Variants in BTBD10 observed in about 807,000 individuals in gnomAD.
BTBD10 encodes BTB/POZ domain-containing protein 10.
A neutral mutation model predicts 53.2 loss-of-function variants in BTBD10; 21 were observed. The ratio of observed to expected loss-of-function variants is 0.39; its 90% CI spans 0.28 to 0.57. BTBD10 has a LOEUF of 0.57. Among genes scored for constraint, BTBD10 ranks in the 20% least tolerant of loss-of-function variants. BTBD10 has a pLI of 0.53. For synonymous variants in BTBD10, 149 were observed against 192.7 expected (o/e 0.77, Z 1.88); for missense variants, 360 against 594.7 (o/e 0.61, Z 4.10).
At chr11:13,411,828 T>C (rs549277979) in intron 6 of BTBD10, among the ~76,000 whole-genome samples, 3 of 151,876 alleles carry the variant, frequency 2.0e-5, no homozygotes, top group African/African-American at 4.8e-5. Flanking sequence ...TGGTTTCAAC[T>C]AAAACTTTTT....
At position 13,419,734 on chromosome 11, in the gene BTBD10, C is replaced by A. The variant is rs1950203640; in HGVS notation, c.310G>T (p.Asp104Tyr). The A allele has an allele frequency of 1.3e-6, 2 of 1,577,334 alleles. No homozygotes were observed. The highest frequency in any genetic ancestry group is 1.9e-5 in the Admixed American group (1 of 51,422). The change falls in exon 4 of 9, where the codon GAT becomes TAT. Residue 104 changes from aspartate (D) to tyrosine (Y), a missense_variant. Physicochemically the swap from Asp to Tyr is radical, Grantham distance 160 (BLOSUM62 -3). Around this residue, in one of 6 missense-constraint regions of BTBD10, gnomAD observed 109 missense variants for 118.6 expected, o/e 0.92. Transcript: ENST00000278174. ...TRQHHVEREKDHSSSRPSSPR... is the reference protein window; with the variant it reads ...TRQHHVEREKYHSSSRPSSPR... Reference sequence around the variant, plus strand: ...CTGCTTGGACGAGAGGAACTGTGATCTTTTTCTCGTTCTGAAATAAAGATG... The same window carrying A: ...CTGCTTGGACGAGAGGAACTGTGATATTTTTCTCGTTCTGAAATAAAGATG...
At chr11:13,405,360 T>C in intron 7 of BTBD10, 1 of 216,332 alleles carries the variant, frequency 4.6e-6, no homozygotes, top group Admixed American at 5.8e-5. Context: ...TCTATCAAGT[T>C]CCAGAGAGTC....
Position 13,429,873 on chromosome 11 carries a change from G to A in BTBD10, c.102-8035C>T, listed in dbSNP as rs1753610676. ...AATCCCAGCACCTTGCGAGGTTGAG[G>A]TGGGAGGATGGCTTGAGCCCAGGAG... On this transcript the variant is annotated intron_variant, in intron 2 of 8. Transcript: ENST00000278174. Among the ~76,000 whole-genome samples the A allele has an allele frequency of 2.0e-5, 3 of 152,198 alleles. 1 individual carries two copies. In the South Asian group the frequency reaches 6.2e-4, roughly 32 times the overall value.
chr11:13,395,603 A>T (rs1023713325), intron 8 of BTBD10, among the ~76,000 whole-genome samples: 1 of 152,192 alleles, frequency 6.6e-6, no homozygotes, highest in Non-Finnish European at 1.5e-5. Context: ...TTAGACATGA[A>T]GTCCTTGCCC....
chr11:13,421,772 C>T lies in BTBD10; in HGVS notation c.168G>A (p.Gly56=), dbSNP rs1950246269. Residue 56 remains glycine, a synonymous_variant, in exon 3 of 9, where the codon GGG becomes GGA. Transcript: ENST00000278174. ...HTKMSLHGAS[G]GHERSRDRRR... ...GTCTATCTCTTGATCTCTCATGTCC[C>T]CCACTAGCACCATGTAGACTCATTT... 4.3e-6 allele frequency: 7 copies of T among 1,613,944 alleles called. No homozygotes were observed. Among genetic ancestry groups the T allele is most frequent in the African/African-American group, 1.3e-5 (1 of 74,908 alleles).
At position 13,395,747 on chromosome 11, in the gene BTBD10, T is replaced by C. The variant is rs1343551563; in HGVS notation, c.1118-6606A>G. Among the ~76,000 whole-genome samples, 4 of 152,228 alleles carry C rather than the reference T, an allele frequency of 2.6e-5. No individual in the cohort carries two copies. In the East Asian group the frequency reaches 7.7e-4, roughly 29 times the overall value. On this transcript the variant is annotated intron_variant, in intron 8 of 8. Transcript: ENST00000278174. ...GTAAGGAAGGGATCCAGTTTCAGCTTTCTACATATGGCTAGCCAGTTTTCC... is the reference window on the plus strand; with the variant it reads ...GTAAGGAAGGGATCCAGTTTCAGCTCTCTACATATGGCTAGCCAGTTTTCC...
intron 1 of BTBD10, among the ~76,000 whole-genome samples, chr11:13,459,982 T>A (rs942027519): frequency 6.6e-6 from 1 of 152,150 alleles, no homozygotes; most frequent in Non-Finnish European, 1.5e-5. Flanking sequence ...ACAAGCACAA[T>A]CTTCTCAAAT....
At position 13,419,755 on chromosome 11, in the gene BTBD10, A is replaced by C; in HGVS notation, c.299-10T>G. The stretch of plus-strand genomic sequence containing the variant: ...TGATCTTTTTCTCGTTCTGAAATAA[A>C]GATGTTAGACGAAGTTATGCAAATT... On this transcript the variant is annotated splice_polypyrimidine_tract_variant and intron_variant, in intron 3 of 8. Coordinates refer to ENST00000278174, the MANE Select transcript of BTBD10 (RefSeq NM_032320.7). The C allele has an allele frequency of 6.4e-7, 1 of 1,557,484 alleles. No homozygotes were observed. Among genetic ancestry groups the C allele is most frequent in the Non-Finnish European group, 8.7e-7 (1 of 1,149,554 alleles).
At chr11:13,438,251 T>C (rs1219252438) in intron 2 of BTBD10, among the ~76,000 whole-genome samples, 1 of 152,140 alleles carries the variant, frequency 6.6e-6, no homozygotes, top group East Asian at 1.9e-4. Context: ...TTTTATACTT[T>C]ATGATGGTTA....
At chr11:13,455,629 G>C (rs1372345233) in intron 1 of BTBD10, among the ~76,000 whole-genome samples, 1 of 152,016 alleles carries the variant, frequency 6.6e-6, no homozygotes, top group Non-Finnish European at 1.5e-5. Flanking sequence ...TGACCAAAAA[G>C]TGTTGACTTC....
intron 2 of BTBD10, among the ~76,000 whole-genome samples, chr11:13,427,957 T>C (rs1273304068): frequency 6.6e-6 from 1 of 151,352 alleles, no homozygotes; most frequent in Non-Finnish European, 1.5e-5. Context: ...GATACCATAA[T>C]TTGTGGCATG....
intron 6 of BTBD10, among the ~76,000 whole-genome samples, chr11:13,406,141 A>T (rs1949820719): frequency 6.6e-6 from 1 of 152,148 alleles, no homozygotes; most frequent in Admixed American, 6.6e-5. Context: ...TATCCACATA[A>T]ACTGAAATAG....
intron 2 of BTBD10, among the ~76,000 whole-genome samples, chr11:13,439,091 T>C (rs1390031804): frequency 1.3e-5 from 2 of 151,922 alleles, no homozygotes; most frequent in East Asian, 3.9e-4. Flanking sequence ...ATAAATACAT[T>C]AAAAACAAAG....
intron 8 of BTBD10, among the ~76,000 whole-genome samples, chr11:13,401,411 G>C (rs1949714322): frequency 6.6e-6 from 1 of 152,036 alleles, no homozygotes; most frequent in Admixed American, 6.5e-5. Context: ...CACATGTTAG[G>C]TATGCAATAT....
intron 2 of BTBD10, among the ~76,000 whole-genome samples, chr11:13,424,352 T>C (rs988851556): frequency 6.6e-5 from 10 of 152,212 alleles, no homozygotes; most frequent in Non-Finnish European, 1.3e-4. Flanking sequence ...GCTAAAACAT[T>C]GGCTTCATCT....
At chr11:13,415,037 T>C (rs1950066446) in intron 5 of BTBD10, among the ~76,000 whole-genome samples, 2 of 150,616 alleles carry the variant, frequency 1.3e-5, no homozygotes, top group East Asian at 3.9e-4. Context: ...CATCCTCCCT[T>C]CCCTCAAACT....
intron 4 of BTBD10, among the ~76,000 whole-genome samples, chr11:13,418,411 A>G (rs930657580): frequency 3.3e-5 from 5 of 152,116 alleles, no homozygotes; most frequent in Admixed American, 6.5e-5. Flanking sequence ...TTAAGAAAAC[A>G]TAACAGCCAA....
intron 8 of BTBD10, among the ~76,000 whole-genome samples, chr11:13,389,652 T>A (rs1949355230): frequency 6.6e-6 from 1 of 152,126 alleles, no homozygotes; most frequent in Non-Finnish European, 1.5e-5. Flanking sequence ...GGTCTCGAAC[T>A]CCTGACCTCA....
intron 2 of BTBD10, among the ~76,000 whole-genome samples, chr11:13,434,265 G>A (rs927556329): frequency 1.3e-5 from 2 of 152,054 alleles, no homozygotes; most frequent in Non-Finnish European, 2.9e-5. Context: ...TGAAGACCCA[G>A]ATACTAACAT....
Sources: gnomAD v4.1 joint callset for allele counts (sites outside exome capture counted in the v4.1 genomes callset) on GRCh38, gnomAD v4.1.1 for gene constraint, gnomAD v4.1.1 regional missense constraint, MANE v1.5 for transcripts, NCBI Gene and HGNC (gene_info 2026-07-23, HGNC 2026-07-21) for gene names.